The following DSE variants were observed in gnomAD, a reference collection of about 807,000 sequenced individuals.
The protein encoded by DSE is dermatan sulfate epimerase.
In DSE, 36 loss-of-function variants were observed where a neutral mutation model predicts 84.4. The observed-to-expected ratio is 0.43, with a 90% CI of 0.33 to 0.56. The LOEUF is 0.56. DSE is among the 20% of genes least tolerant of loss of function. The probability of loss-of-function intolerance (pLI) is 0.06; values close to 1 mark genes in which losing one functional copy is unlikely to be tolerated. For synonymous variants in DSE, 410 were observed against 430.1 expected (o/e 0.95, Z 0.58); for missense variants, 862 against 1,169.6 (o/e 0.74, Z 3.84).
At chr6:116,295,500 A>G (rs1274501862) in intron 2 of DSE, among the ~76,000 whole-genome samples, 2 of 152,206 alleles carry the variant, frequency 1.3e-5, no homozygotes, top group South Asian at 2.1e-4. Context: ...TGATCCAACA[A>G]CTATACTAGC....
rs115210722 is a variant in DSE at position 116,407,347 on chromosome 6, A to G, written c.416+7681A>G. Among the ~76,000 whole-genome samples, 1,352 of 152,242 alleles carry G rather than the reference A, an allele frequency of 8.9e-3. 22 individuals carry two copies. The highest frequency in any genetic ancestry group is 0.032 in the African/African-American group (1,309 of 41,544). ...GAGAGAGTGGTTTGTGGGAGAGAAA[A>G]GATGGTTCACTTTTTTACATGTCTT... On this transcript the variant is annotated intron_variant, in intron 2 of 5. Coordinates refer to ENST00000644252, the MANE Select transcript of DSE (RefSeq NM_013352.4).
chr6:116,301,530 A>G (rs1403949707), intron 2 of DSE, among the ~76,000 whole-genome samples: 2 of 152,086 alleles, frequency 1.3e-5, no homozygotes, highest in African/African-American at 2.4e-5. Flanking sequence ...TCATCTTCCA[A>G]TGCCTTCTCC....
At chr6:116,283,430 C>A (rs73767714) in intron 2 of DSE, among the ~76,000 whole-genome samples, 1,919 of 152,286 alleles carry the variant, frequency 0.013, 46 homozygotes, top group African/African-American at 0.044. Context: ...GTCTCATCAT[C>A]CCAGCATTCC....
rs374226404 is a variant in DSE at position 116,399,412 on chromosome 6, G to A, written c.162G>A (p.Ala54=). 1.1e-5 allele frequency: 17 copies of A among 1,614,168 alleles called. No homozygotes were observed. Among genetic ancestry groups the A allele is most frequent in the South Asian group, 5.5e-5 (5 of 91,086 alleles). The change falls in exon 2 of 6, where the codon GCG becomes GCA. Residue 54 remains alanine, a synonymous_variant. Coordinates refer to ENST00000644252, the MANE Select transcript of DSE (RefSeq NM_013352.4). ...TGTACTTCTCCAGGGCAGAAGTGGC[G>A]GAGCTGCAGCTCAGGGCTGCCAGCT... ...PMLYFSRAEV[A]ELQLRAASSH...
chr6:116,287,396 A>G (rs746733557), intron 2 of DSE, among the ~76,000 whole-genome samples: 21 of 152,056 alleles, frequency 1.4e-4, no homozygotes, highest in Admixed American at 7.9e-4. Flanking sequence ...AGCCTAAAAG[A>G]GTTCTTTTTA....
At chr6:116,308,817 A>G (rs1364075236) in intron 2 of DSE, among the ~76,000 whole-genome samples, 1 of 152,074 alleles carries the variant, frequency 6.6e-6, no homozygotes, top group Non-Finnish European at 1.5e-5. Flanking sequence ...AGCTGGGACT[A>G]CAGGCGCCCA....
At chr6:116,293,362 C>G in intron 2 of DSE, among the ~76,000 whole-genome samples, 1 of 151,588 alleles carries the variant, frequency 6.6e-6, no homozygotes, top group Non-Finnish European at 1.5e-5. Context: ...ACCTCTGCCT[C>G]CCAGGTTCAA....
intron 2 of DSE, among the ~76,000 whole-genome samples, chr6:116,340,054 T>C (rs1483287042): frequency 1.3e-5 from 2 of 152,290 alleles, no homozygotes; most frequent in East Asian, 3.9e-4. Flanking sequence ...AACAGTCAAG[T>C]AGTGTGAGGG....
chr6:116,386,722 C>T (rs1230385681), intron 1 of DSE, among the ~76,000 whole-genome samples: 2 of 152,252 alleles, frequency 1.3e-5, no homozygotes, highest in Admixed American at 1.3e-4. Flanking sequence ...TAACCCAAGG[C>T]CTCGAGTGTA....
At position 116,440,950 on chromosome 6, in the gene DSE, G is replaced by C. The variant is rs1784405499; in HGVS notation, c.*3605G>C. The C allele has an allele frequency of 6.6e-6, 1 of 152,190 alleles. No homozygotes were observed. Among genetic ancestry groups the C allele is most frequent in the Non-Finnish European group, 1.5e-5 (1 of 68,036 alleles). 9.4% of individuals were successfully genotyped at this position (152,190 alleles called of 1,614,324 possible). A position where few individuals can be genotyped will look rare whatever the true frequency, so the allele number is the denominator to read the frequency against. On this transcript the variant is annotated 3_prime_UTR_variant, in exon 6 of 6. Transcript: ENST00000644252. ...TTTCCCTGTTCGCTGTGTATTCCCT[G>C]TCTGTGGCAAAGCCCATTGCCTTGA... is the stretch of plus-strand genomic sequence containing the variant.
chr6:116,343,904 G>C (rs1420809466), intron 2 of DSE, among the ~76,000 whole-genome samples: 3 of 152,148 alleles, frequency 2.0e-5, no homozygotes, highest in Admixed American at 2.0e-4. Context: ...GATTAGATGA[G>C]TGGCTAACTA....
At chr6:116,419,554 A>G (rs557453921) in intron 2 of DSE, among the ~76,000 whole-genome samples, 10 of 152,326 alleles carry the variant, frequency 6.6e-5, no homozygotes, top group African/African-American at 2.4e-4. Context: ...GCCTATTTTA[A>G]TGGTGTGCCC....
chr6:116,409,958 T>G (rs1782202452), intron 2 of DSE, among the ~76,000 whole-genome samples: 1 of 152,116 alleles, frequency 6.6e-6, no homozygotes, highest in Admixed American at 6.5e-5. Flanking sequence ...TTTGAGGAAC[T>G]GAAAATTTAG....
At position 116,437,135 on chromosome 6, in the gene DSE, A is replaced by G; in HGVS notation, c.2667A>G (p.Thr889=). 3 of 1,614,116 alleles carry G rather than the reference A, an allele frequency of 1.9e-6. No individual in the cohort carries two copies. Among genetic ancestry groups the G allele is most frequent in the Non-Finnish European group, 2.5e-6 (3 of 1,180,008 alleles). Reference sequence around the variant, plus strand: ...GACAGGCACGGATGGTGACAACTACACACAGCAGGGCCCCATCACTGTCTG... The same window carrying G: ...GACAGGCACGGATGGTGACAACTACGCACAGCAGGGCCCCATCACTGTCTG... ...RFGQARMVTT[T]HSRAPSLSAS... The change falls in exon 6 of 6, where the codon ACA becomes ACG. Residue 889 remains threonine (T), a synonymous_variant. Coordinates refer to ENST00000644252, the MANE Select transcript of DSE (RefSeq NM_013352.4).
In DSE at chr6:116,436,594, T is replaced by G. The variant is rs1181582839; in HGVS notation, c.2126T>G (p.Phe709Cys). 6.2e-7 allele frequency: 1 copy of G among 1,614,162 alleles called. No individual in the cohort carries two copies. The highest frequency in any genetic ancestry group is 1.7e-5 in the Admixed American group (1 of 60,018). ...WTGEATGQSA[F>C]AQVIADRHKI... is the part of the protein sequence containing the mutation. ...GGTGAGGCCACAGGACAGTCTGCCT[T>G]TGCACAGGTCATTGCTGATCGTCAC... Residue 709 changes from phenylalanine (F) to cysteine (C), a missense_variant, in exon 6 of 6, where the codon TTT becomes TGT. By Grantham distance (205) the Phe-to-Cys change is radical (BLOSUM62 -2). This residue lies in a region of DSE where 315 missense variants were observed against 348.1 expected (regional missense o/e 0.90). Coordinates refer to ENST00000644252, the MANE Select transcript of DSE (RefSeq NM_013352.4).
Position 116,397,211 on chromosome 6 carries a change from T to C in DSE, c.-53-1987T>C, listed in dbSNP as rs202116520. ...GGTATATTATTCTCTTTCTTTCTTT[T>C]TTTTTTTTTTTTTTTTGAGATAGAG... On this transcript the variant is annotated intron_variant, in intron 1 of 5. Transcript: ENST00000644252. Among the ~76,000 whole-genome samples, 62 of 142,706 alleles carry C rather than the reference T, an allele frequency of 4.3e-4. No homozygotes were observed. In the South Asian group the frequency reaches 0.011, roughly 25 times the overall value. 93.6% of individuals were successfully genotyped at this position (142,706 alleles called of 152,430 possible).
intron 2 of DSE, among the ~76,000 whole-genome samples, chr6:116,357,484 A>G (rs1053045558): frequency 2.6e-5 from 4 of 151,324 alleles, no homozygotes; most frequent in African/African-American, 9.7e-5. Context: ...GTGAGCCGAC[A>G]CCGCGCCACT....
At chr6:116,410,153 A>G (rs932333963) in intron 2 of DSE, among the ~76,000 whole-genome samples, 2 of 152,202 alleles carry the variant, frequency 1.3e-5, no homozygotes, top group Admixed American at 6.5e-5. Flanking sequence ...TGAAAAATAA[A>G]AGTAGAATAT....
intron 1 of DSE, among the ~76,000 whole-genome samples, chr6:116,372,731 C>CA (rs1422997581): frequency 6.6e-6 from 1 of 152,078 alleles, no homozygotes; most frequent in Non-Finnish European, 1.5e-5. Flanking sequence ...GAGAAGATAA[C>CA]AGATTGAATT....
Sources: allele counts gnomAD v4.1 joint callset (sites outside exome capture counted in the v4.1 genomes callset), GRCh38; gene constraint gnomAD v4.1.1; regional missense constraint gnomAD v4.1.1; transcripts MANE v1.5; gene names NCBI Gene and HGNC (gene_info 2026-07-23, HGNC 2026-07-21).